Variants in TYW3 observed in about 807,000 individuals in gnomAD.
TYW3 encodes the protein tRNA wybutosine-synthesizing protein 3 homolog.
Under a neutral mutation model 23.1 loss-of-function variants are expected in TYW3, and 26 were observed. The ratio of observed to expected loss-of-function variants is 1.13; its 90% confidence interval spans 0.83 to 1.56. The LOEUF (loss-of-function observed/expected upper bound fraction) is 1.56, where lower values mean the gene tolerates loss of function less well. TYW3 is among the 40% of genes most tolerant of loss of function. The pLI is 0.00. For missense variants in TYW3, 316 were observed against 311.9 expected (o/e 1.01, Z -0.10); for synonymous variants, 102 against 105.7 (o/e 0.97, Z 0.21).
intron 3 of TYW3, among the ~76,000 whole-genome samples, chr1:74,744,866 G>T (rs1005511337): frequency 2.0e-5 from 3 of 152,116 alleles, no homozygotes; most frequent in Non-Finnish European, 4.4e-5. Context: ...ACAGACCTTC[G>T]CAGTGAGTGT....
intron 3 of TYW3, 162 bp from the exon 4 acceptor site, chr1:74,748,589 A>C: frequency 1.6e-6 from 1 of 627,856 alleles, no homozygotes; most frequent in Non-Finnish European, 2.8e-6. Context: ...TAGGAGTTTG[A>C]TCAAAGTCAT....
At chr1:74,750,800 CTTTTTTTTTTTTTTT>C (rs34468239) in intron 4 of TYW3, among the ~76,000 whole-genome samples, 2 of 67,654 alleles carry the variant, frequency 3.0e-5, no homozygotes, top group Non-Finnish European at 5.1e-5. Context: ...TCCCCCGCTC[CTTTTTTTTTTTTTTT>C]TTTTTTTTTG....
At chr1:74,737,418 G>A (rs1337604782) in intron 2 of TYW3, among the ~76,000 whole-genome samples, 1 of 152,182 alleles carries the variant, frequency 6.6e-6, no homozygotes, top group Non-Finnish European at 1.5e-5. Flanking sequence ...GAATTGTCCT[G>A]CTTAGATTAG....
At chr1:74,762,891 C>A (rs571542184) in intron 5 of TYW3, among the ~76,000 whole-genome samples, 1 of 152,074 alleles carries the variant, frequency 6.6e-6, no homozygotes, top group Non-Finnish European at 1.5e-5. Flanking sequence ...AGAAATGAGG[C>A]CTGGTTTTCA....
Position 74,738,744 on chromosome 1 carries a change from G to A in TYW3, c.310G>A (p.Val104Ile), listed in dbSNP as rs562435731. The A allele has an allele frequency of 2.5e-6, 4 of 1,611,320 alleles. No individual in the cohort carries two copies. The Admixed American group carries it at 6.7e-5, about 27-fold the overall frequency. The change falls in exon 3 of 6, where the codon GTT becomes ATT. Residue 104 changes from valine to isoleucine, a missense_variant. By Grantham distance (29) the Val-to-Ile change is conservative. Transcript: ENST00000370867. ...GDATLKFEPFVLHVQCRQLQD... is the reference protein window; with the variant it reads ...GDATLKFEPFILHVQCRQLQD... ...TGCCACTTTGAAATTTGAACCATTT[G>A]TTCTTCATGTGCAGTGTCGACAATT...
At chr1:74,742,045 C>T (rs1222580283) in intron 3 of TYW3, among the ~76,000 whole-genome samples, 2 of 152,192 alleles carry the variant, frequency 1.3e-5, no homozygotes, top group Non-Finnish European at 2.9e-5. Flanking sequence ...TTAATCACTG[C>T]CTGAGCCTTC....
chr1:74,736,487 T>G, intron 1 of TYW3, 55 bp from the exon 2 acceptor site: 1 of 1,347,834 alleles, frequency 7.4e-7, no homozygotes, highest in Non-Finnish European at 1.0e-6. Flanking sequence ...GCATTATGCT[T>G]ATTATTTTTG....
At chr1:74,749,886 G>A (rs576973487) in intron 4 of TYW3, among the ~76,000 whole-genome samples, 7 of 152,252 alleles carry the variant, frequency 4.6e-5, no homozygotes, top group Non-Finnish European at 1.5e-5. Context: ...AACCCAGGAG[G>A]TGGAAGTTGC....
Position 74,766,651 on chromosome 1 carries a change from T to C in TYW3, c.*2538T>C, listed in dbSNP as rs1441432654. On this transcript the variant is annotated 3_prime_UTR_variant, in exon 6 of 6. Transcript: ENST00000370867. ...TCATTGTGAGCCAAGGTTAATTTAT[T>C]GAAGAAATAAAACATTTTTAATGAA... The C allele has an allele frequency of 2.6e-5, 4 of 152,188 alleles. No homozygotes were observed. The highest frequency in any genetic ancestry group is 5.9e-5 in the Non-Finnish European group (4 of 68,018). 9.4% of individuals were successfully genotyped at this position (152,188 alleles called of 1,614,324 possible).
intron 4 of TYW3, chr1:74,750,281 C>T (rs1014665199): frequency 6.6e-6 from 1 of 152,238 alleles, no homozygotes; most frequent in Non-Finnish European, 1.5e-5. Context: ...CTCAGGGCCT[C>T]AGCTGGGCGC....
chr1:74,733,199 G>A lies in TYW3; in HGVS notation c.-46G>A. The A allele has an allele frequency of 6.2e-7, 1 of 1,600,348 alleles. No homozygotes were observed. Among genetic ancestry groups the A allele is most frequent in the Non-Finnish European group, 8.5e-7 (1 of 1,172,836 alleles). ...AATATGGCTGCCCCCAGGGAGAGACGAGGCTACCATGAAGGAGCCGAGCGC... is the reference window on the plus strand; with the variant it reads ...AATATGGCTGCCCCCAGGGAGAGACAAGGCTACCATGAAGGAGCCGAGCGC... On this transcript the variant is annotated 5_prime_UTR_variant, in exon 1 of 6. Transcript: ENST00000370867.
At chr1:74,736,333 C>T (rs72970039) in intron 1 of TYW3, 3 of 370,980 alleles carry the variant, frequency 8.1e-6, no homozygotes, top group African/African-American at 2.1e-5. Context: ...GTAGTTTTAC[C>T]TTTCACATAA....
At chr1:74,757,222 C>T (rs558755577) in intron 5 of TYW3, among the ~76,000 whole-genome samples, 55 of 152,298 alleles carry the variant, frequency 3.6e-4, no homozygotes, top group Non-Finnish European at 6.3e-4. Context: ...CTGTGAGAAG[C>T]GGGCTACCAT....
chr1:74,740,615 C>T (rs1317286423), intron 3 of TYW3, among the ~76,000 whole-genome samples: 4 of 152,070 alleles, frequency 2.6e-5, no homozygotes, highest in East Asian at 3.9e-4. Context: ...CTGATTGGTG[C>T]GTTTTTACAG....
chr1:74,760,544 G>A (rs957399286), intron 5 of TYW3, among the ~76,000 whole-genome samples: 2 of 152,124 alleles, frequency 1.3e-5, no homozygotes, highest in Admixed American at 6.5e-5. Context: ...ATCTTATAAC[G>A]GAGAGCATTT....
intron 3 of TYW3, 126 bp from the exon 4 acceptor site, chr1:74,748,625 G>A: frequency 1.2e-6 from 1 of 856,990 alleles, no homozygotes; most frequent in Non-Finnish European, 1.9e-6. Flanking sequence ...GTATTGGCTA[G>A]ACGAAAAATT....
chr1:74,748,520 A>G (rs1648666512), intron 3 of TYW3: 3 of 458,624 alleles, frequency 6.5e-6, no homozygotes, highest in Non-Finnish European at 1.1e-5. Context: ...ATTGAATTCT[A>G]CTTTTACTCT....
At chr1:74,758,714 C>G (rs1037565522) in intron 5 of TYW3, among the ~76,000 whole-genome samples, 5 of 152,108 alleles carry the variant, frequency 3.3e-5, no homozygotes, top group African/African-American at 1.2e-4. Context: ...TTCTTATCAT[C>G]ATTTACCAGT....
intron 4 of TYW3, among the ~76,000 whole-genome samples, chr1:74,749,138 C>A (rs893502349): frequency 6.6e-6 from 1 of 152,182 alleles, no homozygotes; most frequent in African/African-American, 2.4e-5. Flanking sequence ...TTCAAAGTCC[C>A]CTTTACTGAT....
Sources: gnomAD v4.1 joint callset for allele counts (sites outside exome capture counted in the v4.1 genomes callset) on GRCh38, gnomAD v4.1.1 for gene constraint, MANE v1.5 for transcripts, NCBI Gene and HGNC (gene_info 2026-07-23, HGNC 2026-07-21) for gene names.